The following PFAS variants were observed in gnomAD, a reference collection of about 807,000 sequenced individuals.
PFAS encodes phosphoribosylformylglycinamidine synthase, also known as FGAM synthase.
PFAS carries 97 observed loss-of-function variants against 140.6 expected under a neutral mutation model. The observed-to-expected ratio is 0.69, with a 90% CI of 0.59 to 0.82. PFAS has a LOEUF of 0.82. Among genes scored for constraint, PFAS ranks in the 40% least tolerant of loss-of-function variants. The probability of loss-of-function intolerance (pLI) is 0.00; values close to 1 mark genes in which losing one functional copy is unlikely to be tolerated. For synonymous variants in PFAS, 679 were observed against 718.8 expected (o/e 0.94, Z 0.88); for missense variants, 1,656 against 1,780.2 (o/e 0.93, Z 1.26).
rs770790220 is a variant in PFAS at position 8,267,052 on chromosome 17, G to A, written c.2992G>A (p.Val998Met). The A allele has an allele frequency of 9.3e-6, 15 of 1,613,940 alleles. No individual in the cohort carries two copies. The African/African-American group carries it at 1.9e-4, about 20-fold the overall frequency. ...GGTCCGGGTGTCAGTGAACGGGGCT[G>A]TGGTTCTGGAGGAGCCTGTTGGGGA... ...AMVRVSVNGA[V>M]VLEEPVGELR... Residue 998 changes from valine to methionine, a missense_variant, in exon 24 of 28, where the codon GTG becomes ATG. Val to Met is a conservative substitution (Grantham distance 21). Around this residue, in one of 2 missense-constraint regions of PFAS, gnomAD observed 883 missense variants for 1,023.0 expected, o/e 0.86. Coordinates refer to ENST00000314666, the MANE Select transcript of PFAS (RefSeq NM_012393.3). This position sits in a 1 kb window ranked among gnomAD's most constrained non-coding sequence, Gnocchi z 4.9.
At chr17:8,260,652 T>C (rs1989555324) in intron 11 of PFAS, among the ~76,000 whole-genome samples, 1 of 152,202 alleles carries the variant, frequency 6.6e-6, no homozygotes, top group Non-Finnish European at 1.5e-5. Flanking sequence ...TGAGACGGAG[T>C]CTCGCTCTGT....
In PFAS at chr17:8,266,730, G is replaced by C; in HGVS notation, c.2822-23G>C. The C allele has an allele frequency of 6.3e-7, 1 of 1,581,124 alleles. No individual in the cohort carries two copies. Among genetic ancestry groups the C allele is most frequent in the Non-Finnish European group, 8.6e-7 (1 of 1,165,352 alleles). On this transcript the variant is annotated intron_variant, in intron 22 of 27. Transcript: ENST00000314666. The surrounding 1 kb of genome is among the most constrained non-coding windows in gnomAD (Gnocchi z 5.0). Reference sequence around the variant, plus strand: ...CCCTTGGCCCTTCTTGCATCCCCCTGACTCCCCACATTGCTCTCCCAGTCC... The same window carrying C: ...CCCTTGGCCCTTCTTGCATCCCCCTCACTCCCCACATTGCTCTCCCAGTCC...
At position 8,256,591 on chromosome 17, in the gene PFAS, C is replaced by G; in HGVS notation, c.889C>G (p.Gln297Glu). The change falls in exon 8 of 28, where the codon CAA (glutamine) becomes GAA (glutamate). Residue 297 changes from glutamine (Q) to glutamate (E), a missense_variant. Coordinates refer to ENST00000314666, the MANE Select transcript of PFAS (RefSeq NM_012393.3). ...EDPTRPSRFQ[Q>E]QQGLRHVVFT... is the part of the protein sequence containing the mutation. ...CCCCACACGGCCAAGCCGCTTCCAG[C>G]AACAGCAAGGGCTGAGACATGTTGT... 1 of 1,614,188 alleles carries G rather than the reference C, an allele frequency of 6.2e-7. No individual in the cohort carries two copies. Among genetic ancestry groups the G allele is most frequent in the Non-Finnish European group, 8.5e-7 (1 of 1,180,030 alleles).
rs1048175820 is a variant in PFAS at position 8,270,384 on chromosome 17, G to A, written c.*1120G>A. 6.6e-6 allele frequency: 1 copy of A among 152,238 alleles called. No homozygotes were observed. Among genetic ancestry groups the A allele is most frequent in the Non-Finnish European group, 1.5e-5 (1 of 68,044 alleles). 9.4% of individuals were successfully genotyped at this position (152,238 alleles called of 1,614,324 possible). A position where few individuals can be genotyped will look rare whatever the true frequency, so the allele number is the denominator to read the frequency against. ...ATAACACTTAGCTCAAGCCACGCATGTGTGAGGCATTTGGTATGTATCTGA... is the reference window on the plus strand; with the variant it reads ...ATAACACTTAGCTCAAGCCACGCATATGTGAGGCATTTGGTATGTATCTGA... On this transcript the variant is annotated 3_prime_UTR_variant, in exon 28 of 28. Coordinates refer to ENST00000314666, the MANE Select transcript of PFAS (RefSeq NM_012393.3).
chr17:8,262,717 A>AC (rs1989640686), intron 11 of PFAS, among the ~76,000 whole-genome samples: 1 of 151,666 alleles, frequency 6.6e-6, no homozygotes, highest in Non-Finnish European at 1.5e-5. Context: ...TATCGCTTGA[A>AC]CCCAGGAGAC....
rs369784434 is a variant in PFAS at position 8,257,196 on chromosome 17, C to T, written c.1075+233C>T. Among the ~76,000 whole-genome samples the T allele has an allele frequency of 5.6e-3, 847 of 152,340 alleles. 14 individuals carry two copies. Among genetic ancestry groups the T allele is most frequent in the South Asian group, 0.041 (198 of 4,828 alleles). On this transcript the variant is annotated intron_variant, in intron 9 of 27. Transcript: ENST00000314666. ...TTTTCTTTAAAAACTAGCCTTCATT[C>T]AGCCAGAAAGCATGATATTGGGTTG...
chr17:8,263,233 G>T lies in PFAS; in HGVS notation c.1535G>T (p.Cys512Phe). 1.2e-6 allele frequency: 2 copies of T among 1,614,182 alleles called. No individual in the cohort carries two copies. The highest frequency in any genetic ancestry group is 1.7e-6 in the Non-Finnish European group (2 of 1,180,034). Reference sequence around the variant, plus strand: ...GAGGCCCCCAAGGGAAACCCCATCTGCAGCCTTCATGATCAGGGCGCTGGT... The same window carrying T: ...GAGGCCCCCAAGGGAAACCCCATCTTCAGCCTTCATGATCAGGGCGCTGGT... Reference protein sequence around the residue: ...CVEAPKGNPICSLHDQGAGGN... With the variant: ...CVEAPKGNPIFSLHDQGAGGN... Residue 512 changes from cysteine (C) to phenylalanine (F), a missense_variant, in exon 13 of 28, where the codon TGC (cysteine) becomes TTC (phenylalanine). Transcript: ENST00000314666.
At position 8,257,940 on chromosome 17, in the gene PFAS, T is replaced by C; in HGVS notation, c.1207+2T>C. The C allele has an allele frequency of 6.2e-7, 1 of 1,613,914 alleles. No individual in the cohort carries two copies. The highest frequency in any genetic ancestry group is 8.5e-7 in the Non-Finnish European group (1 of 1,179,936). On this transcript the variant is annotated splice_donor_variant, in intron 10 of 27. Coordinates refer to ENST00000314666, the MANE Select transcript of PFAS (RefSeq NM_012393.3). LOFTEE classifies it high-confidence loss of function. ...AGTTTGGGGAACCAGTGCTGGCTGG[T>C]GAGGCTGGGGTGTGGAGGGATGACA...
At chr17:8,256,445 G>A (rs1989368818) in intron 7 of PFAS, 38 bp downstream of exon 7, 1 of 1,613,758 alleles carries the variant, frequency 6.2e-7, no homozygotes, top group African/African-American at 1.3e-5. Flanking sequence ...CAGGACCCGG[G>A]GAGGGGAGGC....
chr17:8,260,663 C>T (rs1360974378), intron 11 of PFAS, among the ~76,000 whole-genome samples: 1 of 152,180 alleles, frequency 6.6e-6, no homozygotes, highest in Non-Finnish European at 1.5e-5. Flanking sequence ...CTCGCTCTGT[C>T]GCCCAAGCTG....
chr17:8,255,209 G>A, intron 4 of PFAS, 77 bp downstream of exon 4: 3 of 1,107,702 alleles, frequency 2.7e-6, no homozygotes, highest in South Asian at 1.3e-5. Flanking sequence ...AGAGAAGCAG[G>A]GACAGGTGCT....
In PFAS at chr17:8,265,563, G is replaced by A. The variant is rs1989780015; in HGVS notation, c.2469G>A (p.Leu823=). The A allele has an allele frequency of 6.2e-7, 1 of 1,614,106 alleles. No individual in the cohort carries two copies. Among genetic ancestry groups the A allele is most frequent in the East Asian group, 2.2e-5 (1 of 44,882 alleles). ...GTETVRAPGS[L]VISAYAVCPD... is the part of the protein sequence containing the mutation. ...CTCCTCCTTGCTCTACAGGGTCACTGGTCATCTCAGCCTATGCCGTCTGCC... is the reference window on the plus strand; with the variant it reads ...CTCCTCCTTGCTCTACAGGGTCACTAGTCATCTCAGCCTATGCCGTCTGCC... The change falls in exon 20 of 28, where the codon CTG becomes CTA. Residue 823 remains leucine (L), a synonymous_variant. Coordinates refer to ENST00000314666, the MANE Select transcript of PFAS (RefSeq NM_012393.3).
Position 8,267,194 on chromosome 17 carries a change from T to G in PFAS, c.3134T>G (p.Leu1045Arg). 1.9e-6 allele frequency: 3 copies of G among 1,606,420 alleles called. No individual in the cohort carries two copies. The highest frequency in any genetic ancestry group is 2.5e-6 in the Non-Finnish European group (3 of 1,177,164). ...GAGCGGATGGGGCCCAGCTATTGCC[T>G]GCCCCCCACCTTTCCCAAAGCCTCC... The part of the protein sequence containing the change: ...LRERMGPSYC[L>R]PPTFPKASVP... Residue 1045 changes from leucine to arginine, a missense_variant, in exon 24 of 28, where the codon CTG becomes CGG. Coordinates refer to ENST00000314666, the MANE Select transcript of PFAS (RefSeq NM_012393.3). The surrounding 1 kb of genome is among the most constrained non-coding windows in gnomAD (Gnocchi z 4.9).
intron 18 of PFAS, 32 bp from the exon 19 acceptor site, chr17:8,265,256 C>A (rs1989764512): frequency 6.3e-7 from 1 of 1,599,806 alleles, no homozygotes. Context: ...CATTTCTCTT[C>A]CCCTCTAATG....
At chr17:8,249,261 T>G (rs951501148), upstream of PFAS, 4 of 152,128 alleles carry the variant, frequency 2.6e-5, no homozygotes, top group African/African-American at 7.2e-5. Context: ...GTCCAGTCTC[T>G]GCCCGCGGCG....
intron 11 of PFAS, 32 bp downstream of exon 11, chr17:8,258,231 C>T: frequency 1.2e-6 from 2 of 1,611,672 alleles, no homozygotes; most frequent in African/African-American, 2.7e-5. Flanking sequence ...CTGGATCCAG[C>T]CAGCTTTCTC....
In PFAS at chr17:8,266,213, GCTTT is replaced by G; in HGVS notation, c.2702-17_2702-14del. The G allele has an allele frequency of 6.2e-7, 1 of 1,613,416 alleles. No homozygotes were observed. The highest frequency in any genetic ancestry group is 8.5e-7 in the Non-Finnish European group (1 of 1,179,646). ...CAGGTTTGGGTCCCGAGGTTGCTGA[GCTTT>G]CTTCTCCTTCCTCCAGACCGCCTCC... On this transcript the variant is annotated splice_polypyrimidine_tract_variant and intron_variant, in intron 21 of 27. Transcript: ENST00000314666. This position sits in a 1 kb window ranked among gnomAD's most constrained non-coding sequence, Gnocchi z 5.0.
At chr17:8,247,890 A>T, upstream of PFAS, 2 of 1,079,260 alleles carry the variant, frequency 1.9e-6, no homozygotes, top group Non-Finnish European at 2.8e-6. Flanking sequence ...CCCCTCACCC[A>T]TGGGCCGGAC....
Position 8,263,164 on chromosome 17 carries a change from C to G in PFAS, c.1466C>G (p.Pro489Arg). The part of the protein sequence containing the change: ...LDFGAVQRGD[P>R]EMEQKMNRVI... ...TTTGGGGCTGTGCAGCGAGGAGACC[C>G]GGAGATGGAACAGAAGATGAACCGT... Residue 489 changes from proline (P) to arginine (R), a missense_variant, in exon 13 of 28, where the codon CCG becomes CGG. This residue lies in a region of PFAS where 773 missense variants were observed against 757.3 expected (regional missense o/e 1.02). Coordinates refer to ENST00000314666, the MANE Select transcript of PFAS (RefSeq NM_012393.3). The G allele has an allele frequency of 6.2e-7, 1 of 1,613,864 alleles. No individual in the cohort carries two copies. The highest frequency in any genetic ancestry group is 8.5e-7 in the Non-Finnish European group (1 of 1,179,806).
Sources: gnomAD v4.1 joint callset for allele counts (sites outside exome capture counted in the v4.1 genomes callset) on GRCh38, gnomAD v4.1.1 for gene constraint, gnomAD v4.1.1 regional missense constraint, Gnocchi (gnomAD v3.1) non-coding constraint, MANE v1.5 for transcripts, NCBI Gene and HGNC (gene_info 2026-07-23, HGNC 2026-07-21) for gene names.